KCNMB2: variants seen among roughly 807,000 people sequenced by gnomAD.
KCNMB2 encodes the protein potassium calcium-activated channel subfamily M regulatory beta subunit 2.
Under a neutral mutation model 24.5 loss-of-function variants are expected in KCNMB2, and 9 were observed. The observed-to-expected ratio is 0.37, with a 90% CI of 0.22 to 0.64. The LOEUF (loss-of-function observed/expected upper bound fraction) is 0.64, where lower values mean the gene tolerates loss of function less well. KCNMB2 is among the 30% of genes least tolerant of loss of function. KCNMB2 has a pLI of 0.63. For synonymous variants in KCNMB2, 109 were observed against 104.4 expected (o/e 1.04, Z -0.27); for missense variants, 226 against 284.3 (o/e 0.79, Z 1.47).
chr3:178,594,411 C>G (rs1054767533), intron 1 of KCNMB2, among the ~76,000 whole-genome samples: 2 of 151,976 alleles, frequency 1.3e-5, no homozygotes, highest in African/African-American at 4.8e-5. Context: ...TTGCCAGATT[C>G]TGGATGTGTT....
rs549823573 is a variant in KCNMB2 at position 178,597,419 on chromosome 3, A to G, written c.-68+60708A>G. Among the ~76,000 whole-genome samples the G allele has an allele frequency of 5.9e-5, 9 of 152,256 alleles. No individual in the cohort carries two copies. The East Asian group carries it at 1.7e-3, about 29-fold the overall frequency. On this transcript the variant is annotated intron_variant, in intron 1 of 4. Coordinates refer to ENST00000452583, the MANE Select transcript of KCNMB2 (RefSeq NM_181361.3). ...TAGGACACAGCCACTGGGAAAAGTA[A>G]AGCTCACTTATAAGTGTGCAGGCAT...
chr3:178,605,694 G>A (rs1027524676), intron 1 of KCNMB2, among the ~76,000 whole-genome samples: 3 of 152,142 alleles, frequency 2.0e-5, no homozygotes, highest in Non-Finnish European at 2.9e-5. Context: ...GGAAACTGGA[G>A]GAAAGGTGAT....
chr3:178,655,502 T>TAAG (rs1364595940), intron 1 of KCNMB2, among the ~76,000 whole-genome samples: 1 of 152,136 alleles, frequency 6.6e-6, no homozygotes, highest in African/African-American at 2.4e-5. Context: ...GGGTAACTGG[T>TAAG]AAGAATTAAA....
chr3:178,827,833 C>A (rs531087589), intron 3 of KCNMB2, among the ~76,000 whole-genome samples: 101 of 152,206 alleles, frequency 6.6e-4, no homozygotes, highest in African/African-American at 2.4e-3. Context: ...CAAGAAGCTG[C>A]CTACAATGTA....
chr3:178,748,083 C>T (rs1723729059), intron 1 of KCNMB2, among the ~76,000 whole-genome samples: 1 of 151,966 alleles, frequency 6.6e-6, no homozygotes, highest in South Asian at 2.1e-4. Flanking sequence ...CAATTTGGAA[C>T]TTTTTACTCT....
chr3:178,633,513 C>T (rs1719401551), intron 1 of KCNMB2, among the ~76,000 whole-genome samples: 1 of 152,218 alleles, frequency 6.6e-6, no homozygotes, highest in African/African-American at 2.4e-5. Flanking sequence ...CCAAACTGTA[C>T]CTTGGCCCCT....
rs536855722 is a variant in KCNMB2, at chr3:178,598,538, T to C, written c.-68+61827T>C. Among the ~76,000 whole-genome samples, 19 of 152,080 alleles carry C rather than the reference T, an allele frequency of 1.2e-4. No individual in the cohort carries two copies. In the South Asian group the frequency reaches 3.9e-3, roughly 32 times the overall value. On this transcript the variant is annotated intron_variant, in intron 1 of 4. Transcript: ENST00000452583. ...TTGTTTTTTAGAAAGAAAGCTATGATTACAGTAGAGTTTATTCATTGGTTA... is the reference window on the plus strand; with the variant it reads ...TTGTTTTTTAGAAAGAAAGCTATGACTACAGTAGAGTTTATTCATTGGTTA...
chr3:178,662,337 A>C (rs1720560855), intron 1 of KCNMB2, among the ~76,000 whole-genome samples: 1 of 152,194 alleles, frequency 6.6e-6, no homozygotes, highest in African/African-American at 2.4e-5. Flanking sequence ...TATTTATATA[A>C]ATTTTATAGT....
chr3:178,626,759 T>C (rs1250356320), intron 1 of KCNMB2, among the ~76,000 whole-genome samples: 1 of 151,894 alleles, frequency 6.6e-6, no homozygotes, highest in Admixed American at 6.6e-5. Flanking sequence ...GAATTCAAGA[T>C]GAGATTTGGG....
intron 1 of KCNMB2, among the ~76,000 whole-genome samples, chr3:178,618,817 A>C (rs1429328369): frequency 2.0e-5 from 3 of 152,212 alleles, no homozygotes; most frequent in Non-Finnish European, 4.4e-5. Context: ...GGATATCTCA[A>C]AAAGGAAGGA....
chr3:178,668,498 T>C (rs558814558), intron 1 of KCNMB2, among the ~76,000 whole-genome samples: 1 of 152,114 alleles, frequency 6.6e-6, no homozygotes, highest in South Asian at 2.1e-4. Context: ...ATCTTTAAAA[T>C]TATAACCCTA....
At chr3:178,577,361 G>A (rs907154508) in intron 1 of KCNMB2, among the ~76,000 whole-genome samples, 9 of 152,228 alleles carry the variant, frequency 5.9e-5, no homozygotes, top group Admixed American at 1.3e-4. Flanking sequence ...AACCCCATCC[G>A]AAGGTCACCA....
chr3:178,769,101 C>CT (rs1479989619), intron 1 of KCNMB2, among the ~76,000 whole-genome samples: 2 of 152,222 alleles, frequency 1.3e-5, no homozygotes, highest in Non-Finnish European at 2.9e-5. Context: ...GTGCAAGACA[C>CT]TTTGAGTTTT....
rs200436643 is a variant in KCNMB2 at position 178,718,952 on chromosome 3, TATAAG to T, written c.-67-88388_-67-88384del. On this transcript the variant is annotated intron_variant, in intron 1 of 4. Transcript: ENST00000452583. Reference sequence around the variant, plus strand: ...AAGCAGCCAGAAGACCCCAAGTGGCTATAAGATGGGGTTTAACACAAGCTATGGAC... The same window carrying T: ...AAGCAGCCAGAAGACCCCAAGTGGCTATGGGGTTTAACACAAGCTATGGAC... Among the ~76,000 whole-genome samples, 743 of 152,276 alleles carry T rather than the reference TATAAG, an allele frequency of 4.9e-3. 4 individuals are homozygous for T. The highest frequency in any genetic ancestry group is 0.017 in the African/African-American group (701 of 41,562).
intron 1 of KCNMB2, among the ~76,000 whole-genome samples, chr3:178,624,350 C>A (rs985363736): frequency 1.3e-5 from 2 of 150,292 alleles, no homozygotes; most frequent in Non-Finnish European, 3.0e-5. Context: ...TTTGAAAATA[C>A]ACAAATTTGT....
intron 1 of KCNMB2, among the ~76,000 whole-genome samples, chr3:178,761,141 A>G (rs996250002): frequency 5.9e-5 from 9 of 152,158 alleles, no homozygotes; most frequent in African/African-American, 1.4e-4. Flanking sequence ...TCCGAGTCTG[A>G]ATGAACTTTA....
intron 1 of KCNMB2, among the ~76,000 whole-genome samples, chr3:178,598,803 C>T (rs1577038310): frequency 6.6e-6 from 1 of 152,010 alleles, no homozygotes; most frequent in Non-Finnish European, 1.5e-5. Context: ...TCTTGAAGCT[C>T]TTATGTGTCA....
intron 1 of KCNMB2, among the ~76,000 whole-genome samples, chr3:178,684,421 T>G (rs939107226): frequency 6.6e-6 from 1 of 151,930 alleles, no homozygotes; most frequent in Admixed American, 6.6e-5. Flanking sequence ...AGAGATCTAA[T>G]GTAAAACATG....
intron 1 of KCNMB2, among the ~76,000 whole-genome samples, chr3:178,802,905 CAAGTACAAAGTGACTT>C (rs1299234652): frequency 6.6e-6 from 1 of 152,074 alleles, no homozygotes; most frequent in Non-Finnish European, 1.5e-5. Context: ...TCTAAATGTA[CAAGTACAAAGTGACTT>C]AATCGAATTT....
Sources: allele counts gnomAD v4.1 joint callset (sites outside exome capture counted in the v4.1 genomes callset), GRCh38; gene constraint gnomAD v4.1.1; transcripts MANE v1.5; gene names NCBI Gene and HGNC (gene_info 2026-07-23, HGNC 2026-07-21).